Variants in ZFAND3 observed in about 807,000 individuals in gnomAD.
The protein encoded by ZFAND3 is zinc finger AN1-type containing 3, also known as AN1-type zinc finger protein 3.
Under a neutral mutation model 29.6 loss-of-function variants are expected in ZFAND3, and 10 were observed. That is an observed-to-expected ratio of 0.34 (90% CI 0.21 to 0.57). The LOEUF (loss-of-function observed/expected upper bound fraction) is 0.57, where lower values mean the gene tolerates loss of function less well. Among genes scored for constraint, ZFAND3 ranks in the 20% least tolerant of loss-of-function variants. The probability of loss-of-function intolerance (pLI) is 0.86; values close to 1 mark genes in which losing one functional copy is unlikely to be tolerated. For synonymous variants in ZFAND3, 128 were observed against 112.6 expected (o/e 1.14, Z -0.87); for missense variants, 230 against 304.5 (o/e 0.76, Z 1.82).
chr6:37,933,217 T>C (rs1241813049), intron 2 of ZFAND3, among the ~76,000 whole-genome samples: 1 of 152,268 alleles, frequency 6.6e-6, no homozygotes, highest in Non-Finnish European at 1.5e-5. Context: ...AAATAGTTAT[T>C]GTTTGCCACT....
At chr6:38,045,214 A>G (rs1763878457) in intron 2 of ZFAND3, among the ~76,000 whole-genome samples, 1 of 151,738 alleles carries the variant, frequency 6.6e-6, no homozygotes, top group South Asian at 2.1e-4. Flanking sequence ...CAGCCTCCCA[A>G]GTACCTGGGA....
chr6:38,099,501 T>C (rs1765049562), intron 4 of ZFAND3, among the ~76,000 whole-genome samples: 1 of 152,198 alleles, frequency 6.6e-6, no homozygotes, highest in Admixed American at 6.5e-5. Flanking sequence ...CATTCCCAAA[T>C]AGCAGAACCA....
rs186745718 is a variant in ZFAND3 at position 38,041,860 on chromosome 6, G to A, written c.113-19733G>A. On this transcript the variant is annotated intron_variant, in intron 2 of 5. Transcript: ENST00000287218. ...TTTTTTTTATATGAGACAGAGTCTC[G>A]CTCTGGGCCACTGTCATCCAGGCTG... 1.4e-4 allele frequency among the ~76,000 whole-genome samples: 18 copies of A among 132,204 alleles called. No individual in the cohort carries two copies. The East Asian group carries it at 3.5e-3, about 26-fold the overall frequency. 86.7% of individuals were successfully genotyped at this position (132,204 alleles called of 152,430 possible). A position where few individuals can be genotyped will look rare whatever the true frequency, so the allele number is the denominator to read the frequency against.
At chr6:38,135,428 G>T (rs940002907) in intron 5 of ZFAND3, among the ~76,000 whole-genome samples, 1 of 152,158 alleles carries the variant, frequency 6.6e-6, no homozygotes, top group Non-Finnish European at 1.5e-5. Flanking sequence ...ATAATTCAGG[G>T]TTAGACAGAG....
intron 5 of ZFAND3, among the ~76,000 whole-genome samples, chr6:38,125,891 CTTT>C (rs1765625078): frequency 6.6e-6 from 1 of 152,024 alleles, no homozygotes; most frequent in Non-Finnish European, 1.5e-5. Flanking sequence ...AGTTTTATTA[CTTT>C]TTTATTTCTT....
intron 5 of ZFAND3, among the ~76,000 whole-genome samples, chr6:38,129,459 T>G (rs536196716): frequency 6.6e-6 from 1 of 152,232 alleles, no homozygotes; most frequent in Non-Finnish European, 1.5e-5. Context: ...GTTTTAGGTC[T>G]TAGATTTAAG....
chr6:37,862,189 GT>G (rs1391292267), intron 1 of ZFAND3, among the ~76,000 whole-genome samples: 6 of 151,858 alleles, frequency 4.0e-5, no homozygotes, highest in Admixed American at 2.0e-4. Context: ...GATTTTTGTT[GT>G]TTTTTAACCA....
At chr6:37,865,594 C>T (rs1178410325) in intron 1 of ZFAND3, among the ~76,000 whole-genome samples, 1 of 152,174 alleles carries the variant, frequency 6.6e-6, no homozygotes, top group African/African-American at 2.4e-5. Context: ...TTAGAAACTA[C>T]ATATTTTACA....
chr6:38,017,159 G>A (rs543960883), intron 2 of ZFAND3, among the ~76,000 whole-genome samples: 1 of 152,340 alleles, frequency 6.6e-6, no homozygotes, highest in South Asian at 2.1e-4. Flanking sequence ...CAAGGAGAGT[G>A]AGGGAAAAGT....
intron 2 of ZFAND3, among the ~76,000 whole-genome samples, chr6:37,959,913 C>T (rs1762164099): frequency 6.6e-6 from 1 of 152,174 alleles, no homozygotes; most frequent in Admixed American, 6.5e-5. Context: ...TGTATTTGTT[C>T]AAAAGATTTT....
chr6:37,914,790 C>A (rs772798385), intron 1 of ZFAND3, among the ~76,000 whole-genome samples: 1 of 150,908 alleles, frequency 6.6e-6, no homozygotes, highest in Non-Finnish European at 1.5e-5. Flanking sequence ...TGTGAGCTAC[C>A]GTGCCTGGCC....
rs2127436245 is a variant in ZFAND3 at position 37,993,061 on chromosome 6, G to A, written c.112+63062G>A. ...TGTTTGATCATGTACTTAAGTTGAT[G>A]ACCACCAGATGATTTCATTGTACAC... On this transcript the variant is annotated intron_variant, in intron 2 of 5. Transcript: ENST00000287218. 2.0e-5 allele frequency among the ~76,000 whole-genome samples: 3 copies of A among 152,148 alleles called. No homozygotes were observed. In the South Asian group the frequency reaches 6.2e-4, roughly 32 times the overall value.
chr6:37,934,894 T>G (rs1761670926), intron 2 of ZFAND3, among the ~76,000 whole-genome samples: 1 of 149,984 alleles, frequency 6.7e-6, no homozygotes, highest in Admixed American at 6.6e-5. Flanking sequence ...TACTATATTC[T>G]CTCCATTCCT....
At chr6:37,856,770 TA>T (rs1764391123) in intron 1 of ZFAND3, among the ~76,000 whole-genome samples, 1 of 152,158 alleles carries the variant, frequency 6.6e-6, no homozygotes, top group Non-Finnish European at 1.5e-5. Flanking sequence ...ACAAAGCAAA[TA>T]CTGTACCTAA....
At chr6:37,862,377 A>ACGAGTTGG (rs1764508530) in intron 1 of ZFAND3, among the ~76,000 whole-genome samples, 2 of 152,122 alleles carry the variant, frequency 1.3e-5, no homozygotes, top group South Asian at 4.1e-4. Flanking sequence ...AGAAGTTATA[A>ACGAGTTGG]CGAGTTGGAA....
intron 2 of ZFAND3, among the ~76,000 whole-genome samples, chr6:37,975,740 A>G (rs922120851): frequency 1.3e-5 from 2 of 152,102 alleles, no homozygotes; most frequent in Admixed American, 1.3e-4. Context: ...ATTCTGTTGC[A>G]TTGATCTGTT....
intron 2 of ZFAND3, among the ~76,000 whole-genome samples, chr6:37,956,457 C>T (rs980609713): frequency 6.6e-6 from 1 of 152,156 alleles, no homozygotes; most frequent in Admixed American, 6.5e-5. Context: ...TAAATGAAGT[C>T]ACAGAGGTCA....
chr6:38,065,193 G>T (rs1764318532), intron 3 of ZFAND3, among the ~76,000 whole-genome samples: 2 of 152,072 alleles, frequency 1.3e-5, no homozygotes, highest in South Asian at 4.1e-4. Flanking sequence ...GTGCGCACCT[G>T]TAGTCCCAGC....
chr6:38,087,997 A>G (rs1212152682), intron 4 of ZFAND3, among the ~76,000 whole-genome samples: 2 of 152,236 alleles, frequency 1.3e-5, no homozygotes, highest in Non-Finnish European at 2.9e-5. Context: ...TTCAGAAGCT[A>G]AAGAGTGTTG....
Sources: gnomAD v4.1 joint callset for allele counts (sites outside exome capture counted in the v4.1 genomes callset) on GRCh38, gnomAD v4.1.1 for gene constraint, MANE v1.5 for transcripts, NCBI Gene and HGNC (gene_info 2026-07-23, HGNC 2026-07-21) for gene names.